Variants in ADGRL4 observed in about 807,000 individuals in gnomAD.
ADGRL4 encodes the protein adhesion G protein-coupled receptor L4.
ADGRL4 carries 90 observed loss-of-function variants against 74.8 expected under a neutral mutation model. The ratio of observed to expected loss-of-function variants is 1.20; its 90% CI spans 1.02 to 1.43. The LOEUF (loss-of-function observed/expected upper bound fraction) is 1.43. Ranked by LOEUF, ADGRL4 falls within the 40% of genes most tolerant of loss-of-function variation. The pLI, the probability that ADGRL4 is intolerant of heterozygous loss-of-function variation, is 0.00. For missense variants in ADGRL4, 881 were observed against 814.3 expected, an observed-to-expected ratio of 1.08 and a Z score of -1.00; for synonymous variants, 311 against 279.2, an observed-to-expected ratio of 1.11 and a Z score of -1.14.
chr1:78,978,462 T>C (rs1650333378), intron 2 of ADGRL4, among the ~76,000 whole-genome samples: 1 of 151,934 alleles, frequency 6.6e-6, no homozygotes, highest in African/African-American at 2.4e-5. Flanking sequence ...AGGTAAAAAA[T>C]AGTTTTCAAT....
intron 2 of ADGRL4, among the ~76,000 whole-genome samples, chr1:78,992,965 T>A (rs1473252529): frequency 3.9e-5 from 6 of 152,102 alleles, no homozygotes; most frequent in Admixed American, 1.3e-4. Context: ...TCCTGGATAA[T>A]ACATTTAGAA....
In ADGRL4 at chr1:78,938,007, T is replaced by G; in HGVS notation, c.577-17A>C. On this transcript the variant is annotated splice_polypyrimidine_tract_variant and intron_variant, in intron 5 of 14. Coordinates refer to ENST00000370742, the MANE Select transcript of ADGRL4 (RefSeq NM_022159.4). ...TACAAATTCCTATTGAAAAAAAGTA[T>G]GTCTTTTAGAAATGTTGGAATCCTA... is the stretch of plus-strand genomic sequence containing the variant. 2.5e-6 allele frequency: 4 copies of G among 1,607,478 alleles called. No individual in the cohort carries two copies. In the South Asian group the frequency reaches 3.3e-5, roughly 13 times the overall value.
At chr1:78,960,639 T>C (rs1010792958) in intron 2 of ADGRL4, among the ~76,000 whole-genome samples, 1 of 152,200 alleles carries the variant, frequency 6.6e-6, no homozygotes, top group East Asian at 1.9e-4. Flanking sequence ...AATGGACTGC[T>C]GCTTGTGTTT....
intron 12 of ADGRL4, among the ~76,000 whole-genome samples, chr1:78,904,772 G>A (rs1027256164): frequency 4.6e-5 from 7 of 151,974 alleles, no homozygotes; most frequent in Admixed American, 2.6e-4. Context: ...CTTTCCTTGC[G>A]TGTAAAATGT....
At chr1:78,894,050 C>T (rs556912199) in intron 12 of ADGRL4, among the ~76,000 whole-genome samples, 52 of 151,834 alleles carry the variant, frequency 3.4e-4, no homozygotes, top group African/African-American at 1.2e-3. Flanking sequence ...GAAGGCTAAT[C>T]CCTTATGAAA....
chr1:78,917,709 T>C lies in ADGRL4; in HGVS notation c.1683-9A>G. 1 of 1,603,910 alleles carries C rather than the reference T, an allele frequency of 6.2e-7. No homozygotes were observed. The highest frequency in any genetic ancestry group is 8.5e-7 in the Non-Finnish European group (1 of 1,174,560). ...CGGTGCTAAGCCAACATCTGAAAAG[T>C]AAATAAAAGATAGAATCTATAAATA... is the stretch of plus-strand genomic sequence containing the variant. On this transcript the variant is annotated splice_polypyrimidine_tract_variant and intron_variant, in intron 11 of 14. Coordinates refer to ENST00000370742, the MANE Select transcript of ADGRL4 (RefSeq NM_022159.4).
chr1:78,898,772 G>T (rs1210244793), intron 12 of ADGRL4, among the ~76,000 whole-genome samples: 4 of 151,984 alleles, frequency 2.6e-5, no homozygotes, highest in African/African-American at 9.7e-5. Context: ...TCTATAAAGA[G>T]ACCTGTTTCT....
At position 79,005,054 on chromosome 1, in the gene ADGRL4, A is replaced by G; in HGVS notation, c.172+16T>C. On this transcript the variant is annotated intron_variant, in intron 2 of 14. Transcript: ENST00000370742. The stretch of plus-strand genomic sequence containing the variant: ...TCTTACAGTATAATCCAAAAGAAGT[A>G]ACAAAGCTTGTTTACCTTCACAAAT... The G allele has an allele frequency of 6.2e-7, 1 of 1,608,070 alleles. No individual in the cohort carries two copies. Among genetic ancestry groups the G allele is most frequent in the African/African-American group, 1.3e-5 (1 of 74,726 alleles).
In ADGRL4 at chr1:78,936,048, C is replaced by T; in HGVS notation, c.877+247G>A. ...CTGAGGCAGGAGAATGGCGTGAACCCGGGAGGCGGAGCTTGCAGTGAGCCG... is the reference window on the plus strand; with the variant it reads ...CTGAGGCAGGAGAATGGCGTGAACCTGGGAGGCGGAGCTTGCAGTGAGCCG... On this transcript the variant is annotated intron_variant, in intron 7 of 14. Transcript: ENST00000370742. Among the ~76,000 whole-genome samples, 2 of 32,830 alleles carry T rather than the reference C, an allele frequency of 6.1e-5. 1 individual carries two copies. The highest frequency in any genetic ancestry group is 2.3e-3 in the South Asian group (2 of 866). 21.5% of individuals were successfully genotyped at this position (32,830 alleles called of 152,430 possible).
At chr1:78,927,875 T>G (rs1174169076) in intron 7 of ADGRL4, among the ~76,000 whole-genome samples, 2 of 152,088 alleles carry the variant, frequency 1.3e-5, no homozygotes. Flanking sequence ...AAAAGGCACC[T>G]CAAGAGACAT....
At chr1:78,996,393 G>T (rs1276319637) in intron 2 of ADGRL4, among the ~76,000 whole-genome samples, 1 of 152,106 alleles carries the variant, frequency 6.6e-6, no homozygotes, top group African/African-American at 2.4e-5. Flanking sequence ...AAACTTAAAT[G>T]TATAAATAAA....
intron 12 of ADGRL4, among the ~76,000 whole-genome samples, chr1:78,908,074 G>T (rs1022876215): frequency 2.6e-4 from 40 of 151,986 alleles, no homozygotes; most frequent in Non-Finnish European, 2.9e-4. Flanking sequence ...CTCATATTTT[G>T]CAGGGAATAT....
At chr1:78,984,497 A>T (rs1307527325) in intron 2 of ADGRL4, among the ~76,000 whole-genome samples, 1 of 151,792 alleles carries the variant, frequency 6.6e-6, no homozygotes, top group Non-Finnish European at 1.5e-5. Flanking sequence ...TAAACTTGAG[A>T]CTAGCCTCAA....
At chr1:79,005,860 CAAAA>C (rs1176807373) in intron 1 of ADGRL4, among the ~76,000 whole-genome samples, 2 of 149,282 alleles carry the variant, frequency 1.3e-5, no homozygotes, top group African/African-American at 4.9e-5. Context: ...AAAACAAAAA[CAAAA>C]AAAGAAACTC....
intron 12 of ADGRL4, among the ~76,000 whole-genome samples, chr1:78,894,801 A>G (rs966573542): frequency 6.6e-6 from 1 of 151,938 alleles, no homozygotes; most frequent in African/African-American, 2.4e-5. Flanking sequence ...AAAGACTTAG[A>G]AGATAAAGTA....
At chr1:79,005,677 T>C (rs1311869582) in intron 1 of ADGRL4, among the ~76,000 whole-genome samples, 2 of 152,230 alleles carry the variant, frequency 1.3e-5, no homozygotes, top group Non-Finnish European at 2.9e-5. Flanking sequence ...TGTGTTATTT[T>C]AAGATGACAT....
At position 78,893,110 on chromosome 1, in the gene ADGRL4, A is replaced by G. The variant is rs1278279998; in HGVS notation, c.1829T>C (p.Phe610Ser). 1 of 1,591,784 alleles carries G rather than the reference A, an allele frequency of 6.3e-7. No homozygotes were observed. Among genetic ancestry groups the G allele is most frequent in the Non-Finnish European group, 8.5e-7 (1 of 1,171,262 alleles). The change falls in exon 13 of 15, where the codon TTT becomes TCT. Residue 610 changes from phenylalanine (F) to serine (S), a missense_variant. Transcript: ENST00000370742. ...TAGLKPEVSC[F>S]ENIRSCARGA... is the part of the protein sequence containing the mutation. ...AAGACGCATTTACCTTATGTTCTCA[A>G]AGCAACTAACTTCTGGTTTCAACCC...
chr1:78,921,772 A>G lies in ADGRL4; in HGVS notation c.1098T>C (p.Tyr366=). Residue 366 remains tyrosine (Y), a synonymous_variant, in exon 9 of 15, where the codon TAT becomes TAC. Transcript: ENST00000370742. ...TLSHRKVTDR[Y]RSLCAFWNYS... ...AATTCCAAAATGCACATAGACTCCT[A>G]TACCTATCTGTGACCTGAAAAAAAG... 1.3e-6 allele frequency: 2 copies of G among 1,518,538 alleles called. No homozygotes were observed. The highest frequency in any genetic ancestry group is 3.5e-4 in the Middle Eastern group (2 of 5,694). 94.1% of individuals were successfully genotyped at this position (1,518,538 alleles called of 1,614,324 possible).
At chr1:78,944,413 G>T (rs989246880) in intron 3 of ADGRL4, among the ~76,000 whole-genome samples, 1 of 152,150 alleles carries the variant, frequency 6.6e-6, no homozygotes, top group Non-Finnish European at 1.5e-5. Context: ...AAGAATATAG[G>T]CTTGAGAAGA....
Sources: allele counts gnomAD v4.1 joint callset (sites outside exome capture counted in the v4.1 genomes callset), GRCh38; gene constraint gnomAD v4.1.1; transcripts MANE v1.5; gene names NCBI Gene and HGNC (gene_info 2026-07-23, HGNC 2026-07-21).